The following USH2A variants were observed in gnomAD, a reference collection of about 807,000 sequenced individuals.
USH2A encodes usherin.
In USH2A, 443 loss-of-function variants were observed where a neutral mutation model predicts 538.9. That is an observed-to-expected ratio of 0.82 (90% CI 0.76 to 0.89). USH2A has a LOEUF of 0.89. Among genes scored for constraint, USH2A ranks in the 40% least tolerant of loss-of-function variants. The pLI is 0.00. For missense variants in USH2A, 6,633 were observed against 6,324.8 expected (o/e 1.05, Z -1.65); for synonymous variants, 2,413 against 2,273.5 (o/e 1.06, Z -1.75).
intron 61 of USH2A, among the ~76,000 whole-genome samples, chr1:215,716,779 AC>A (rs1293870321): frequency 2.0e-5 from 3 of 152,186 alleles, no homozygotes; most frequent in Non-Finnish European, 4.4e-5. Context: ...AATTCAGAGT[AC>A]CTAAGGGGGT....
At chr1:216,131,423 T>C (rs941747175) in intron 21 of USH2A, among the ~76,000 whole-genome samples, 6 of 152,126 alleles carry the variant, frequency 3.9e-5, no homozygotes, top group African/African-American at 1.4e-4. Flanking sequence ...TGTTATCTTC[T>C]AGAATTTTTA....
At position 215,888,810 on chromosome 1, in the gene USH2A, C is replaced by A. The variant is rs568902534; in HGVS notation, c.7839G>T (p.Glu2613Asp). The A allele has an allele frequency of 1.2e-4, 192 of 1,614,072 alleles. No individual in the cohort carries two copies. The East Asian group carries it at 4.1e-3, about 35-fold the overall frequency. Residue 2613 changes from glutamate (E) to aspartate (D), a missense_variant, in exon 41 of 72, where the codon GAG (glutamate) becomes GAT (aspartate). Glu to Asp is a conservative substitution (Grantham distance 45). Coordinates refer to ENST00000307340, the MANE Select transcript of USH2A (RefSeq NM_206933.4). ...CTGGGAGTGTCCATACAGTCTGGGA[C>A]TCTGGTGAAAGGGAACATCCTTTTG... ...CTSKGCSLSP[E>D]SQTVWTLPGA... is the part of the protein sequence containing the mutation.
chr1:216,009,862 G>A (rs1297471603), intron 32 of USH2A, among the ~76,000 whole-genome samples: 1 of 152,022 alleles, frequency 6.6e-6, no homozygotes, highest in Admixed American at 6.6e-5. Flanking sequence ...AGAGCTAAAG[G>A]CATAGTCAAG....
chr1:215,697,770 T>C (rs1375570391), intron 61 of USH2A, among the ~76,000 whole-genome samples: 1 of 152,106 alleles, frequency 6.6e-6, no homozygotes, highest in African/African-American at 2.4e-5. Context: ...ATCTGCCCAC[T>C]TCGGACTCCC....
intron 47 of USH2A, among the ~76,000 whole-genome samples, chr1:215,837,008 T>C (rs1351452787): frequency 2.6e-5 from 4 of 152,084 alleles, no homozygotes; most frequent in Non-Finnish European, 5.9e-5. Flanking sequence ...CTAATTAGTA[T>C]GCCAAAAATT....
intron 44 of USH2A, among the ~76,000 whole-genome samples, chr1:215,854,433 A>T (rs2102830402): frequency 6.6e-6 from 1 of 152,262 alleles, no homozygotes; most frequent in Admixed American, 6.5e-5. Context: ...GAACAAGACA[A>T]GTATGCCTAC....
In USH2A at chr1:215,674,232, C is replaced by T. The variant is rs562751357; in HGVS notation, c.13679G>A (p.Gly4560Asp). 3 of 1,614,118 alleles carry T rather than the reference C, an allele frequency of 1.9e-6. No homozygotes were observed. The highest frequency in any genetic ancestry group is 2.2e-5 in the East Asian group (1 of 44,876). The change falls in exon 63 of 72, where the codon GGT (glycine) becomes GAT (aspartate). Residue 4560 changes from glycine (G) to aspartate (D), a missense_variant. By Grantham distance (94) the Gly-to-Asp change is moderately conservative. Coordinates refer to ENST00000307340, the MANE Select transcript of USH2A (RefSeq NM_206933.4). ...GAAGAGGGTATAATTGATGATATCA[C>T]CATTTGTTCTCACTGGAGGGTCCCA... ...VNWDPPVRTNGDIINYTLFIR... is the reference protein window; with the variant it reads ...VNWDPPVRTNDDIINYTLFIR...
intron 2 of USH2A, 113 bp from the exon 3 acceptor site, chr1:216,418,792 G>T: frequency 9.1e-7 from 1 of 1,102,618 alleles, no homozygotes; most frequent in Non-Finnish European, 1.4e-6. Flanking sequence ...GCTCAAAATG[G>T]TGTACTATGA....
In USH2A at chr1:215,947,783, A is replaced by T. The variant is rs186768633; in HGVS notation, c.7121-12988T>A. ...TCTCCGCTGGCATAAAAAAGCTTTTAAAAAAATTAATACATTTTACTATTT... is the reference window on the plus strand; with the variant it reads ...TCTCCGCTGGCATAAAAAAGCTTTTTAAAAAATTAATACATTTTACTATTT... On this transcript the variant is annotated intron_variant, in intron 37 of 71. Transcript: ENST00000307340. Among the ~76,000 whole-genome samples, 559 of 152,298 alleles carry T rather than the reference A, an allele frequency of 3.7e-3. 3 individuals are homozygous for T. The highest frequency in any genetic ancestry group is 6.4e-3 in the Non-Finnish European group (435 of 68,004).
At chr1:216,340,959 A>G (rs942770589) in intron 4 of USH2A, among the ~76,000 whole-genome samples, 1 of 152,152 alleles carries the variant, frequency 6.6e-6, no homozygotes, top group South Asian at 2.1e-4. Context: ...TTCTTTCATC[A>G]TTCCTATTCA....
chr1:215,644,873 A>G (rs1345376524), intron 67 of USH2A, among the ~76,000 whole-genome samples: 1 of 152,206 alleles, frequency 6.6e-6, no homozygotes, highest in Non-Finnish European at 1.5e-5. Context: ...GCAGGGGAAG[A>G]GGAGCTTGTT....
intron 58 of USH2A, among the ~76,000 whole-genome samples, chr1:215,753,159 C>G (rs1454215354): frequency 6.6e-6 from 1 of 152,012 alleles, no homozygotes; most frequent in Admixed American, 6.6e-5. Flanking sequence ...AGTCAGGAAA[C>G]AACAGGTGCT....
chr1:216,228,122 T>C (rs1188129950), intron 14 of USH2A, among the ~76,000 whole-genome samples: 1 of 152,036 alleles, frequency 6.6e-6, no homozygotes, highest in Non-Finnish European at 1.5e-5. Context: ...CCAGGGTGAA[T>C]TGGAATTGGA....
At chr1:215,637,349 G>A (rs551780595) in intron 69 of USH2A, among the ~76,000 whole-genome samples, 1 of 152,158 alleles carries the variant, frequency 6.6e-6, no homozygotes, top group Non-Finnish European at 1.5e-5. Flanking sequence ...TCTGCCAGAG[G>A]CCCGGGAAAC....
chr1:216,201,071 G>A (rs2034988112), intron 16 of USH2A, among the ~76,000 whole-genome samples: 1 of 142,996 alleles, frequency 7.0e-6, no homozygotes, highest in Non-Finnish European at 1.5e-5. Context: ...AGGAGATAGA[G>A]CTTTATTGTG....
At chr1:216,181,551 ATTG>A (rs1211975664) in intron 20 of USH2A, among the ~76,000 whole-genome samples, 6 of 152,208 alleles carry the variant, frequency 3.9e-5, no homozygotes, top group Middle Eastern at 3.4e-3. Context: ...TTAACCAGTT[ATTG>A]TTCTGGCGAT....
At chr1:216,370,320 C>T (rs1040096692) in intron 3 of USH2A, among the ~76,000 whole-genome samples, 4 of 151,742 alleles carry the variant, frequency 2.6e-5, no homozygotes, top group Non-Finnish European at 4.4e-5. Context: ...GACATCACGC[C>T]ACTGCACTCC....
chr1:215,674,181 G>C lies in USH2A; in HGVS notation c.13730C>G (p.Thr4577Ser), dbSNP rs1657915062. ...LFIRELFERE[T>S]KIIHINTTHN... ...AGTTGTGTTTATGTGTATGATTTTA[G>C]TTTCTCTTTCAAATAGTTCACGGAT... Residue 4577 changes from threonine (T) to serine (S), a missense_variant, in exon 63 of 72, where the codon ACT (threonine) becomes AGT (serine). Coordinates refer to ENST00000307340, the MANE Select transcript of USH2A (RefSeq NM_206933.4). 1.2e-6 allele frequency: 2 copies of C among 1,614,090 alleles called. No individual in the cohort carries two copies. The highest frequency in any genetic ancestry group is 1.7e-6 in the Non-Finnish European group (2 of 1,180,000).
intron 47 of USH2A, among the ~76,000 whole-genome samples, chr1:215,832,244 C>T (rs535125767): frequency 1.3e-5 from 2 of 151,944 alleles, no homozygotes; most frequent in African/African-American, 4.8e-5. Context: ...ACAATCTCTT[C>T]CACAAAATAG....
Sources: allele counts gnomAD v4.1 joint callset (sites outside exome capture counted in the v4.1 genomes callset), GRCh38; gene constraint gnomAD v4.1.1; transcripts MANE v1.5; gene names NCBI Gene and HGNC (gene_info 2026-07-23, HGNC 2026-07-21).